ACY3: variants seen among roughly 807,000 people sequenced by gnomAD.
ACY3 encodes the protein aminoacylase 3.
ACY3 carries 20 observed loss-of-function variants against 24.6 expected under a neutral mutation model. That is an observed-to-expected ratio of 0.81 (90% confidence interval 0.57 to 1.18). ACY3 has a LOEUF of 1.18. Ranked by LOEUF, ACY3 falls within the 50% of genes most tolerant of loss-of-function variation. The pLI is 0.00. For missense variants in ACY3, 423 were observed against 426.8 expected (o/e 0.99, Z 0.08); for synonymous variants, 174 against 188.4 (o/e 0.92, Z 0.62).
intron 1 of ACY3, among the ~76,000 whole-genome samples, 177 bp from the exon 2 acceptor site, chr11:67,647,766 C>T (rs1220220714): frequency 3.9e-5 from 6 of 152,204 alleles, no homozygotes; most frequent in East Asian, 1.9e-4. Context: ...CCAGGTCCTG[C>T]GGGCAAGTTC....
intron 4 of ACY3, 54 bp from the exon 5 acceptor site, chr11:67,645,434 G>A (rs1442896113): frequency 1.3e-6 from 2 of 1,565,230 alleles, no homozygotes; most frequent in Admixed American, 1.8e-5. Flanking sequence ...AAGGGAAACT[G>A]AGGTGGGAAG....
intron 7 of ACY3, 31 bp downstream of exon 7, chr11:67,644,729 C>T (rs1439300077): frequency 1.5e-6 from 2 of 1,304,688 alleles, no homozygotes; most frequent in Non-Finnish European, 2.0e-6. Context: ...AAATCACCCC[C>T]CACCACACAC....
In ACY3 at chr11:67,645,768, G is replaced by A. The variant is rs139370474; in HGVS notation, c.356C>T (p.Thr119Met). Residue 119 changes from threonine to methionine, a missense_variant, in exon 4 of 8, where the codon ACG becomes ATG. Thr to Met is a moderately conservative substitution (Grantham distance 81). Coordinates refer to ENST00000255082, the MANE Select transcript of ACY3 (RefSeq NM_080658.2). ...FDFVLDLHNT[T>M]ANMGTCLIAK... ...GATTAAGCAGGTGCCCATGTTGGCC[G>A]TGGTGTTGTGCAGGTCAAGGACAAA... is the stretch of plus-strand genomic sequence containing the variant. 7.5e-5 allele frequency: 121 copies of A among 1,613,834 alleles called. No homozygotes were observed. The highest frequency in any genetic ancestry group is 8.2e-5 in the Non-Finnish European group (97 of 1,179,970).
chr11:67,645,490 C>G, intron 4 of ACY3, 110 bp from the exon 5 acceptor site: 2 of 1,309,292 alleles, frequency 1.5e-6, no homozygotes, highest in Non-Finnish European at 2.1e-6. Flanking sequence ...TTGGCCAGGT[C>G]TCCCTCTACC....
In ACY3 at chr11:67,646,966, C is replaced by A; in HGVS notation, c.78G>T (p.Ser26=). 1.9e-6 allele frequency: 3 copies of A among 1,583,328 alleles called. No homozygotes were observed. The highest frequency in any genetic ancestry group is 1.7e-6 in the Non-Finnish European group (2 of 1,164,406). Residue 26 remains serine, a synonymous_variant, in exon 3 of 8, where the codon TCG becomes TCT. Coordinates refer to ENST00000255082, the MANE Select transcript of ACY3 (RefSeq NM_080658.2). ...GCCAGTGCCGGGCCAGGTAGACGCCCGACATCTCGTTGCCATGCGTGCCCC... is the reference window on the plus strand; with the variant it reads ...GCCAGTGCCGGGCCAGGTAGACGCCAGACATCTCGTTGCCATGCGTGCCCC... ...VTGGTHGNEM[S]GVYLARHWLH... is the part of the protein sequence containing the mutation.
chr11:67,646,881 G>C lies in ACY3; in HGVS notation c.163C>G (p.Pro55Ala), dbSNP rs138978537. ...CGGCGGCAGCCGGATGTGGCTGCCG[G>C]GTTGGCCAGCACAGGCACAGCGGAG... Reference protein sequence around the residue: ...SFSAVPVLANPAATSGCRRYV... With the variant: ...SFSAVPVLANAAATSGCRRYV... Residue 55 changes from proline to alanine, a missense_variant, in exon 3 of 8, where the codon CCG becomes GCG. Coordinates refer to ENST00000255082, the MANE Select transcript of ACY3 (RefSeq NM_080658.2). 1,755 of 1,612,490 alleles carry C rather than the reference G, an allele frequency of 1.1e-3. 2 individuals carry two copies. Among genetic ancestry groups the C allele is most frequent in the Middle Eastern group, 1.7e-3 (10 of 6,054 alleles).
At position 67,643,034 on chromosome 11, in the gene ACY3, C is replaced by T. The variant is rs1855438857; in HGVS notation, c.745-95G>A. The T allele has an allele frequency of 3.6e-6, 4 of 1,103,340 alleles. No individual in the cohort carries two copies. In the African/African-American group the frequency reaches 6.2e-5, roughly 17 times the overall value. The allele number at this position is 1,103,340 out of a possible 1,614,324, so 68.3% of individuals were successfully genotyped here. A position where few individuals can be genotyped will look rare whatever the true frequency, so the allele number is the denominator to read the frequency against. On this transcript the variant is annotated intron_variant, in intron 7 of 7. Coordinates refer to ENST00000255082, the MANE Select transcript of ACY3 (RefSeq NM_080658.2). ...AGCTTGACACCCAAAAGATGCCCCT[C>T]ATTCATGGCTTTTCCCACCCATGCT...
At position 67,642,652 on chromosome 11, in the gene ACY3, C is replaced by T. The variant is rs1855427188; in HGVS notation, c.*72G>A. The stretch of plus-strand genomic sequence containing the variant: ...GCATGGTAGGTGGCAGAAGGGACCT[C>T]TGTGCTCAGAGCTGTGCCTCAGGAC... On this transcript the variant is annotated 3_prime_UTR_variant, in exon 8 of 8. Transcript: ENST00000255082. The T allele has an allele frequency of 6.6e-7, 1 of 1,525,964 alleles. No homozygotes were observed. Among genetic ancestry groups the T allele is most frequent in the Admixed American group, 1.7e-5 (1 of 59,824 alleles). 94.5% of individuals were successfully genotyped at this position (1,525,964 alleles called of 1,614,324 possible).
chr11:67,642,609 C>A lies in ACY3; in HGVS notation c.*115G>T. 9.1e-7 allele frequency: 1 copy of A among 1,102,656 alleles called. No individual in the cohort carries two copies. Among genetic ancestry groups the A allele is most frequent in the South Asian group, 1.3e-5 (1 of 76,196 alleles). 68.3% of individuals were successfully genotyped at this position (1,102,656 alleles called of 1,614,324 possible). Reference sequence around the variant, plus strand: ...AAATTGAGGCCAGGGGTTGGGGAGGCCTGGCAAGGAACATGGTGCATGGTA... The same window carrying A: ...AAATTGAGGCCAGGGGTTGGGGAGGACTGGCAAGGAACATGGTGCATGGTA... On this transcript the variant is annotated 3_prime_UTR_variant, in exon 8 of 8. Transcript: ENST00000255082.
chr11:67,646,335 C>A (rs571875925), intron 3 of ACY3, among the ~76,000 whole-genome samples: 3 of 152,218 alleles, frequency 2.0e-5, no homozygotes, highest in African/African-American at 4.8e-5. Context: ...CTTTGTGTAG[C>A]CTCCGGCCCT....
chr11:67,645,572 C>A (rs943431841), intron 4 of ACY3, 120 bp downstream of exon 4: 131 of 1,338,046 alleles, frequency 9.8e-5, no homozygotes, highest in Non-Finnish European at 1.2e-4. Context: ...GGGACTGGAG[C>A]CCAGGGGAAA....
In ACY3 at chr11:67,645,680, G is replaced by C. The variant is rs768312626; in HGVS notation, c.432+12C>G. ...CCCCTCTGGGGAGCTGTGTGCTTGG[G>C]GCCGGGGCCACCTGCAGATGGCGGC... On this transcript the variant is annotated intron_variant, in intron 4 of 7. Transcript: ENST00000255082. The C allele has an allele frequency of 6.3e-7, 1 of 1,588,204 alleles. No homozygotes were observed.
chr11:67,649,798 TGA>T (rs1258463252), intron 1 of ACY3, among the ~76,000 whole-genome samples: 6 of 147,002 alleles, frequency 4.1e-5, no homozygotes, highest in Admixed American at 6.7e-5. Context: ...TGCATGTGCA[TGA>T]GAGTATTGTG....
intron 7 of ACY3, 58 bp from the exon 8 acceptor site, chr11:67,642,997 G>A: frequency 1.3e-6 from 2 of 1,524,944 alleles, no homozygotes; most frequent in Non-Finnish European, 9.0e-7. Context: ...GGCCCCAGAG[G>A]GGGGTGACCC....
intron 1 of ACY3, among the ~76,000 whole-genome samples, chr11:67,649,403 G>A (rs939776933): frequency 6.6e-6 from 1 of 152,354 alleles, no homozygotes; most frequent in Admixed American, 6.5e-5. Flanking sequence ...GAGAACAGCA[G>A]TAGGGGTGCT....
intron 1 of ACY3, among the ~76,000 whole-genome samples, chr11:67,649,416 A>T (rs1172260418): frequency 1.3e-5 from 2 of 152,182 alleles, no homozygotes; most frequent in African/African-American, 4.8e-5. Context: ...GGGGTGCTGG[A>T]AAGTTTCACT....
intron 1 of ACY3, among the ~76,000 whole-genome samples, chr11:67,648,018 C>T (rs865975848): frequency 3.3e-5 from 5 of 152,198 alleles, no homozygotes; most frequent in South Asian, 4.1e-4. Flanking sequence ...ACTCCTGAGT[C>T]GCCCTTACCC....
rs139407265 is a variant in ACY3 at position 67,645,903 on chromosome 11, T to C, written c.237-16A>G. On this transcript the variant is annotated splice_polypyrimidine_tract_variant and intron_variant, in intron 3 of 7. Coordinates refer to ENST00000255082, the MANE Select transcript of ACY3 (RefSeq NM_080658.2). ...GGGCCTGGAACTGTGGAGACGGGAA[T>C]GGGGGACACCGATCTTCACAGTCTC... The C allele has an allele frequency of 1.6e-3, 2,465 of 1,573,330 alleles. 4 individuals are homozygous for C. The highest frequency in any genetic ancestry group is 2.0e-3 in the Non-Finnish European group (2,346 of 1,158,632).
In ACY3 at chr11:67,650,611, C is replaced by G. The variant is rs1185700792; in HGVS notation, c.-123G>C. On this transcript the variant is annotated 5_prime_UTR_variant, in exon 1 of 8. Transcript: ENST00000255082. ...CGTGGCCCCAGAGGGTTGAGGGTGA[C>G]TCCCGGGGATCTTCTGCTTGCTGCG... 1 of 152,204 alleles carries G rather than the reference C, an allele frequency of 6.6e-6. No individual in the cohort carries two copies. The highest frequency in any genetic ancestry group is 1.5e-5 in the Non-Finnish European group (1 of 68,056). 9.4% of individuals were successfully genotyped at this position (152,204 alleles called of 1,614,324 possible).
Sources: gnomAD v4.1 joint callset for allele counts (sites outside exome capture counted in the v4.1 genomes callset) on GRCh38, gnomAD v4.1.1 for gene constraint, MANE v1.5 for transcripts, NCBI Gene and HGNC (gene_info 2026-07-23, HGNC 2026-07-21) for gene names.